The following PIK3C2G variants were observed in gnomAD, a reference collection of about 807,000 sequenced individuals.
PIK3C2G encodes phosphatidylinositol 3-kinase C2 domain-containing subunit gamma.
Under a neutral mutation model 181.1 loss-of-function variants are expected in PIK3C2G, and 168 were observed. The ratio of observed to expected loss-of-function variants is 0.93; its 90% CI spans 0.82 to 1.05. The LOEUF (loss-of-function observed/expected upper bound fraction) is 1.05. PIK3C2G is among the 50% of genes least tolerant of loss of function. The pLI is 0.00. For synonymous variants in PIK3C2G, 573 were observed against 592.2 expected (o/e 0.97, Z 0.47); for missense variants, 1,869 against 1,732.8 (o/e 1.08, Z -1.40).
At chr12:18,614,466 T>A (rs1167534174) in intron 31 of PIK3C2G, among the ~76,000 whole-genome samples, 1 of 152,140 alleles carries the variant, frequency 6.6e-6, no homozygotes, top group Non-Finnish European at 1.5e-5. Context: ...TGTTACCAGC[T>A]TTTTCATGAA....
chr12:18,563,434 T>C lies in PIK3C2G; in HGVS notation c.3838T>C (p.Phe1280Leu), dbSNP rs772244770. The C allele has an allele frequency of 6.2e-6, 10 of 1,613,758 alleles. No individual in the cohort carries two copies. Among genetic ancestry groups the C allele is most frequent in the Non-Finnish European group, 8.5e-6 (10 of 1,179,706 alleles). ...NNETSLTEKS[F>L]EQFSKLHSQL... The stretch of plus-strand genomic sequence containing the variant: ...CGAAACAAGCCTGACAGAAAAATCA[T>C]TTGAGCAGTTTTCAAAACTTCACAG... The change falls in exon 28 of 33, where the codon TTT (phenylalanine) becomes CTT (leucine). Residue 1280 changes from phenylalanine (F) to leucine (L), a missense_variant. Phe to Leu is a conservative substitution (Grantham distance 22, BLOSUM62 0). Coordinates refer to ENST00000538779, the MANE Select transcript of PIK3C2G (RefSeq NM_001288772.2).
chr12:18,522,147 T>C (rs746360850), intron 24 of PIK3C2G, among the ~76,000 whole-genome samples: 10 of 152,252 alleles, frequency 6.6e-5, no homozygotes, highest in Admixed American at 2.0e-4. Context: ...ATGGTTCTTT[T>C]CAATGGAAGC....
chr12:18,487,962 T>A (rs769815454), intron 18 of PIK3C2G, among the ~76,000 whole-genome samples: 1 of 152,104 alleles, frequency 6.6e-6, no homozygotes, highest in Non-Finnish European at 1.5e-5. Flanking sequence ...AATACCTTCC[T>A]CCAGGTAGTC....
intron 22 of PIK3C2G, among the ~76,000 whole-genome samples, chr12:18,500,988 T>A (rs540650629): frequency 3.6e-4 from 53 of 149,246 alleles, no homozygotes; most frequent in Non-Finnish European, 6.4e-4. Context: ...ACTCACCGCG[T>A]AGGTCCGCAG....
chr12:18,692,963 A>G, the PIK3C2G span: 1 of 1,462,130 alleles, frequency 6.8e-7, no homozygotes, highest in Non-Finnish European at 9.6e-7. Flanking sequence ...AGTTAAAATT[A>G]CTGAAGTTAG....
intron 18 of PIK3C2G, among the ~76,000 whole-genome samples, chr12:18,441,444 G>A (rs1365451880): frequency 6.6e-6 from 1 of 151,942 alleles, no homozygotes; most frequent in African/African-American, 2.4e-5. Context: ...TATACTGGTG[G>A]GAAAAATCAA....
upstream of PIK3C2G, among the ~76,000 whole-genome samples, chr12:18,256,680 A>T (rs1299358199): frequency 6.6e-6 from 1 of 152,138 alleles, no homozygotes; most frequent in African/African-American, 2.4e-5. Context: ...TCTGGCAAGT[A>T]ATCTCCCTTT....
chr12:18,338,682 TG>T, intron 9 of PIK3C2G, 134 bp downstream of exon 9: 1 of 595,238 alleles, frequency 1.7e-6, no homozygotes, highest in Non-Finnish European at 3.0e-6. Context: ...TGTGTGTGTG[TG>T]TGTGTGTGTG....
chr12:18,303,138 C>CTTTCTTTCTTTCTTTCTTTT (rs1422309361), intron 5 of PIK3C2G, among the ~76,000 whole-genome samples: 174 of 131,184 alleles, frequency 1.3e-3, no homozygotes, highest in African/African-American at 4.7e-3. Flanking sequence ...TTCTTTCTTT[C>CTTTCTTTCTTTCTTTCTTTT]TTTTCTTTTC....
intron 24 of PIK3C2G, among the ~76,000 whole-genome samples, chr12:18,511,998 T>C (rs1186272199): frequency 1.3e-5 from 2 of 152,028 alleles, no homozygotes; most frequent in Admixed American, 6.6e-5. Flanking sequence ...TTGTGGTTGA[T>C]GTAAGCTAAG....
intron 18 of PIK3C2G, among the ~76,000 whole-genome samples, chr12:18,458,121 C>T (rs1947727716): frequency 6.6e-6 from 1 of 152,036 alleles, no homozygotes; most frequent in Admixed American, 6.6e-5. Flanking sequence ...ATCTTATCCA[C>T]CATAAGCTAG....
Position 18,426,488 on chromosome 12 carries a change from C to T in PIK3C2G, c.2504+2449C>T, listed in dbSNP as rs1456862602. On this transcript the variant is annotated intron_variant, in intron 18 of 32. Coordinates refer to ENST00000538779, the MANE Select transcript of PIK3C2G (RefSeq NM_001288772.2). Reference sequence around the variant, plus strand: ...AACATAATATTCTTTGCATACTGTTCTTCCTACTTTCCTTTGTATTGTTAA... The same window carrying T: ...AACATAATATTCTTTGCATACTGTTTTTCCTACTTTCCTTTGTATTGTTAA... 3.3e-5 allele frequency among the ~76,000 whole-genome samples: 5 copies of T among 152,226 alleles called. No homozygotes were observed. The East Asian group carries it at 9.7e-4, about 29-fold the overall frequency.
intron 5 of PIK3C2G, among the ~76,000 whole-genome samples, chr12:18,306,018 G>C (rs1950406349): frequency 6.6e-6 from 1 of 151,524 alleles, no homozygotes; most frequent in Non-Finnish European, 1.5e-5. Context: ...TACTTAGTAG[G>C]GAGAGCGTTG....
the PIK3C2G span, among the ~76,000 whole-genome samples, chr12:18,698,577 T>C: frequency 2.0e-5 from 3 of 152,146 alleles, no homozygotes; most frequent in African/African-American, 7.2e-5. Context: ...CTCAAGTCAA[T>C]TGCAGGTGCT....
rs1297852364 is a variant in PIK3C2G, at chr12:18,380,422, T to C, written c.1881-1344T>C. Among the ~76,000 whole-genome samples the C allele has an allele frequency of 3.3e-5, 5 of 152,324 alleles. No homozygotes were observed. In the South Asian group the frequency reaches 8.3e-4, roughly 25 times the overall value. ...GGACATGTTTCTTCCTCCTCTTGCA[T>C]TCTGCCTAACACTAATCCAAAACTT... is the stretch of plus-strand genomic sequence containing the variant. On this transcript the variant is annotated intron_variant, in intron 13 of 32. Coordinates refer to ENST00000538779, the MANE Select transcript of PIK3C2G (RefSeq NM_001288772.2).
At chr12:18,603,625 C>A (rs567899210) in intron 30 of PIK3C2G, among the ~76,000 whole-genome samples, 3 of 152,220 alleles carry the variant, frequency 2.0e-5, no homozygotes, top group South Asian at 2.1e-4. Flanking sequence ...GAGACAGAAG[C>A]ACCAGTTAAC....
intron 12 of PIK3C2G, among the ~76,000 whole-genome samples, chr12:18,365,196 C>A (rs1186953025): frequency 6.6e-6 from 1 of 152,138 alleles, no homozygotes; most frequent in African/African-American, 2.4e-5. Context: ...CTGTGACTTA[C>A]ATACTTTTCC....
chr12:18,723,485 G>T, the PIK3C2G span: 4 of 1,612,808 alleles, frequency 2.5e-6, no homozygotes, highest in Non-Finnish European at 3.4e-6. Flanking sequence ...GTGATAATTC[G>T]ATAAATTGCT....
At chr12:18,390,606 C>T (rs1943471772) in intron 14 of PIK3C2G, among the ~76,000 whole-genome samples, 1 of 152,066 alleles carries the variant, frequency 6.6e-6, no homozygotes, top group Non-Finnish European at 1.5e-5. Flanking sequence ...ACTAACACAA[C>T]AGTTCTTTAC....
Sources: allele counts gnomAD v4.1 joint callset (sites outside exome capture counted in the v4.1 genomes callset), GRCh38; gene constraint gnomAD v4.1.1; transcripts MANE v1.5; gene names NCBI Gene and HGNC (gene_info 2026-07-23, HGNC 2026-07-21).